TMEM132C: variants seen among roughly 807,000 people sequenced by gnomAD.
TMEM132C encodes protein phosphatase 1, regulatory subunit 152.
Under a neutral mutation model 61.4 loss-of-function variants are expected in TMEM132C, and 29 were observed. The ratio of observed to expected loss-of-function variants is 0.47; its 90% confidence interval spans 0.35 to 0.64. The LOEUF (loss-of-function observed/expected upper bound fraction) is 0.64, where lower values mean the gene tolerates loss of function less well. Ranked by LOEUF, TMEM132C falls within the 30% of genes least tolerant of loss-of-function variation. TMEM132C has a pLI of 0.00. For synonymous variants in TMEM132C, 656 were observed against 633.1 expected (o/e 1.04, Z -0.54); for missense variants, 1,408 against 1,476.9 (o/e 0.95, Z 0.76).
chr12:128,307,064 CCTT>C (rs1351537882), intron 1 of TMEM132C, among the ~76,000 whole-genome samples: 1 of 152,138 alleles, frequency 6.6e-6, no homozygotes, highest in Admixed American at 6.5e-5. Context: ...GGAATAACCT[CCTT>C]CTTTCTGGCA....
intron 1 of TMEM132C, among the ~76,000 whole-genome samples, chr12:128,385,373 AT>A: frequency 6.7e-6 from 1 of 148,794 alleles, no homozygotes; most frequent in African/African-American, 2.5e-5. Context: ...GCCTGATAGG[AT>A]CATTGCAAAG....
At chr12:128,575,831 A>G (rs925654049) in intron 3 of TMEM132C, among the ~76,000 whole-genome samples, 9 of 152,256 alleles carry the variant, frequency 5.9e-5, no homozygotes, top group Non-Finnish European at 1.3e-4. Context: ...AACGTGGCAC[A>G]GTTTACCATT....
intron 2 of TMEM132C, among the ~76,000 whole-genome samples, chr12:128,456,231 C>T (rs55697452): frequency 2.6e-5 from 4 of 152,086 alleles, no homozygotes; most frequent in Admixed American, 6.6e-5. Context: ...AAGACTAAAT[C>T]TGAGACCCGA....
chr12:128,690,365 T>A (rs1954710765), intron 5 of TMEM132C, among the ~76,000 whole-genome samples: 1 of 152,200 alleles, frequency 6.6e-6, no homozygotes, highest in African/African-American at 2.4e-5. Context: ...CATATGATAG[T>A]TCTCACTGCT....
At chr12:128,545,918 A>G (rs1873935443) in intron 3 of TMEM132C, among the ~76,000 whole-genome samples, 1 of 147,470 alleles carries the variant, frequency 6.8e-6, no homozygotes, top group Non-Finnish European at 1.5e-5. Flanking sequence ...TTGGTATTAA[A>G]GAAAGAAATA....
At chr12:128,651,993 A>G (rs1309475696) in intron 4 of TMEM132C, among the ~76,000 whole-genome samples, 1 of 152,102 alleles carries the variant, frequency 6.6e-6, no homozygotes, top group Non-Finnish European at 1.5e-5. Context: ...TTTTAACTCT[A>G]TTTTCAGCTC....
intron 4 of TMEM132C, among the ~76,000 whole-genome samples, chr12:128,625,771 A>G (rs1398959533): frequency 2.0e-5 from 3 of 152,210 alleles, no homozygotes; most frequent in Non-Finnish European, 1.5e-5. Context: ...CAGCCAAACC[A>G]TATCAGACAC....
chr12:128,611,045 G>A (rs1876616663), intron 3 of TMEM132C, among the ~76,000 whole-genome samples: 1 of 152,204 alleles, frequency 6.6e-6, no homozygotes, highest in Non-Finnish European at 1.5e-5. Flanking sequence ...ATTGATGCTT[G>A]CTGGCATCAA....
chr12:128,642,411 T>C (rs1252579950), intron 4 of TMEM132C, among the ~76,000 whole-genome samples: 1 of 152,152 alleles, frequency 6.6e-6, no homozygotes, highest in African/African-American at 2.4e-5. Context: ...ATGGTTTAGA[T>C]GTTTGTCCCC....
chr12:128,448,810 A>C (rs1387750109), intron 2 of TMEM132C, among the ~76,000 whole-genome samples: 2 of 152,178 alleles, frequency 1.3e-5, no homozygotes, highest in Non-Finnish European at 1.5e-5. Flanking sequence ...ATTCGTATTA[A>C]CTTTGCTTAG....
chr12:128,580,092 C>T (rs962623565), intron 3 of TMEM132C, among the ~76,000 whole-genome samples: 3 of 152,102 alleles, frequency 2.0e-5, no homozygotes, highest in South Asian at 2.1e-4. Flanking sequence ...GGTCAGACAA[C>T]GTAATCTCTC....
chr12:128,415,669 G>C lies in TMEM132C; in HGVS notation c.974+49G>C. 6.8e-7 allele frequency: 1 copy of C among 1,465,564 alleles called. No homozygotes were observed. Among genetic ancestry groups the C allele is most frequent in the Non-Finnish European group, 9.1e-7 (1 of 1,101,154 alleles). The allele number at this position is 1,465,564 out of a possible 1,614,324, so 90.8% of individuals were successfully genotyped here. A position where few individuals can be genotyped will look rare whatever the true frequency, so the allele number is the denominator to read the frequency against. On this transcript the variant is annotated intron_variant, in intron 2 of 8. Transcript: ENST00000435159. This position sits in a 1 kb window ranked among gnomAD's most constrained non-coding sequence, Gnocchi z 5.8. ...ATCATCTTTGGCATGCCTGGTGTGA[G>C]ACTGGGTTCCATGCGTGGCAGATAG... is the stretch of plus-strand genomic sequence containing the variant.
At chr12:128,427,221 G>GA (rs984318790) in intron 2 of TMEM132C, among the ~76,000 whole-genome samples, 1 of 151,878 alleles carries the variant, frequency 6.6e-6, no homozygotes, top group African/African-American at 2.4e-5. Context: ...GGATAGAAAG[G>GA]AAAAAAACAG....
chr12:128,441,749 T>C (rs1869794072), intron 2 of TMEM132C, among the ~76,000 whole-genome samples: 1 of 152,150 alleles, frequency 6.6e-6, no homozygotes, highest in Non-Finnish European at 1.5e-5. Context: ...GCATTAGCCA[T>C]TTTGGGAGGC....
At chr12:128,454,028 G>A (rs1389847017) in intron 2 of TMEM132C, among the ~76,000 whole-genome samples, 1 of 152,104 alleles carries the variant, frequency 6.6e-6, no homozygotes, top group Non-Finnish European at 1.5e-5. Flanking sequence ...AGCGAAGGGG[G>A]CCCTTTTGAT....
At chr12:128,445,499 A>G (rs1869948039) in intron 2 of TMEM132C, among the ~76,000 whole-genome samples, 1 of 152,084 alleles carries the variant, frequency 6.6e-6, no homozygotes, top group Non-Finnish European at 1.5e-5. Flanking sequence ...GAGGTGCTAT[A>G]TCTTGGTCCT....
chr12:128,596,086 G>C (rs1565985556), intron 3 of TMEM132C, among the ~76,000 whole-genome samples: 1 of 151,526 alleles, frequency 6.6e-6, no homozygotes, highest in Non-Finnish European at 1.5e-5. Context: ...TGGTACAGAG[G>C]CAGCAGGGCT....
intron 5 of TMEM132C, among the ~76,000 whole-genome samples, chr12:128,675,152 A>T (rs1438961471): frequency 6.6e-6 from 1 of 151,822 alleles, no homozygotes; most frequent in East Asian, 1.9e-4. Flanking sequence ...TTCAGCCAAC[A>T]TTTATTAACC....
intron 2 of TMEM132C, among the ~76,000 whole-genome samples, chr12:128,512,854 C>G (rs926018020): frequency 6.6e-6 from 1 of 152,154 alleles, no homozygotes; most frequent in Non-Finnish European, 1.5e-5. Flanking sequence ...AAACTTGAAG[C>G]CACACACACA....
Sources: gnomAD v4.1 joint callset for allele counts (sites outside exome capture counted in the v4.1 genomes callset) on GRCh38, gnomAD v4.1.1 for gene constraint, Gnocchi (gnomAD v3.1) non-coding constraint, MANE v1.5 for transcripts, NCBI Gene and HGNC (gene_info 2026-07-23, HGNC 2026-07-21) for gene names.